Variants in TMC5 observed in about 807,000 individuals in gnomAD.
TMC5 encodes the protein transmembrane channel-like protein 5.
Under a neutral mutation model 110.5 loss-of-function variants are expected in TMC5, and 86 were observed. That is an observed-to-expected ratio of 0.78 (90% CI 0.65 to 0.93). The LOEUF (loss-of-function observed/expected upper bound fraction) is 0.93, where lower values mean the gene tolerates loss of function less well. Ranked by LOEUF, TMC5 falls within the 40% of genes least tolerant of loss-of-function variation. The pLI, the probability that TMC5 is intolerant of heterozygous loss-of-function variation, is 0.00. For missense variants in TMC5, 1,144 were observed against 1,222.8 expected (o/e 0.94, Z 0.96); for synonymous variants, 455 against 439.5 (o/e 1.04, Z -0.44).
chr16:19,463,167 T>G lies in TMC5; in HGVS notation c.1149-113T>G, dbSNP rs1285701101. Reference sequence around the variant, plus strand: ...GAACTCCTGGCCTCAGTGATCCTCTTGCCTCAGCTTCCGAAGTGTTGGGAT... The same window carrying G: ...GAACTCCTGGCCTCAGTGATCCTCTGGCCTCAGCTTCCGAAGTGTTGGGAT... On this transcript the variant is annotated intron_variant, in intron 6 of 21. Transcript: ENST00000542583. 3.9e-6 allele frequency: 3 copies of G among 777,420 alleles called. No individual in the cohort carries two copies. In the African/African-American group the frequency reaches 5.1e-5, roughly 13 times the overall value. 48.2% of individuals were successfully genotyped at this position (777,420 alleles called of 1,614,324 possible).
intron 1 of TMC5, among the ~76,000 whole-genome samples, chr16:19,421,453 C>T (rs2301209): frequency 0.13 from 20,379 of 152,074 alleles, 1,688 homozygotes; most frequent in East Asian, 0.21. Flanking sequence ...TCTTGCCTGC[C>T]GCCATGTAAG....
At chr16:19,459,867 G>A (rs1386392175) in intron 5 of TMC5, among the ~76,000 whole-genome samples, 1 of 137,642 alleles carries the variant, frequency 7.3e-6, no homozygotes, top group Non-Finnish European at 1.5e-5. Flanking sequence ...GCAGTGGGCT[G>A]TGATTGTGCC....
chr16:19,457,119 G>T lies in TMC5; in HGVS notation c.1049-3116G>T, dbSNP rs183263154. 3.5e-3 allele frequency: 3,384 copies of T among 976,182 alleles called. 24 individuals carry two copies. The highest frequency in any genetic ancestry group is 3.6e-3 in the Admixed American group (138 of 38,758). The allele number at this position is 976,182 out of a possible 1,614,324, so 60.5% of individuals were successfully genotyped here. ...TAGATATCAAGTGGGGCCAGGCGTGGTGGCTCACACCTATAATCCTACGGC... is the reference window on the plus strand; with the variant it reads ...TAGATATCAAGTGGGGCCAGGCGTGTTGGCTCACACCTATAATCCTACGGC... On this transcript the variant is annotated intron_variant, in intron 5 of 21. Transcript: ENST00000542583.
chr16:19,435,602 C>CAA (rs1247121259), intron 2 of TMC5, among the ~76,000 whole-genome samples: 1 of 147,202 alleles, frequency 6.8e-6, no homozygotes, highest in Non-Finnish European at 1.5e-5. Flanking sequence ...CACACACACA[C>CAA]ACATGCCTCC....
chr16:19,480,480 T>A (rs1968590489), intron 14 of TMC5, among the ~76,000 whole-genome samples: 1 of 152,156 alleles, frequency 6.6e-6, no homozygotes, highest in South Asian at 2.1e-4. Context: ...GTGCTTTTAT[T>A]CTAGCCTCTG....
intron 14 of TMC5, among the ~76,000 whole-genome samples, chr16:19,479,809 T>C (rs1437603077): frequency 6.6e-6 from 1 of 151,962 alleles, no homozygotes; most frequent in African/African-American, 2.4e-5. Flanking sequence ...TGAAATCTTA[T>C]CCAGCCGAGG....
chr16:19,429,560 C>A (rs1445672956), intron 1 of TMC5, among the ~76,000 whole-genome samples: 2 of 152,072 alleles, frequency 1.3e-5, no homozygotes. Context: ...TGTGAGCGTC[C>A]CATGACCTGG....
chr16:19,496,384 G>A (rs1252178976), intron 20 of TMC5, among the ~76,000 whole-genome samples: 5 of 152,006 alleles, frequency 3.3e-5, no homozygotes, highest in East Asian at 1.9e-4. Flanking sequence ...CCACCTTAAC[G>A]CAAATACCAC....
At chr16:19,412,230 C>T (rs1966857367) in intron 1 of TMC5, among the ~76,000 whole-genome samples, 1 of 151,940 alleles carries the variant, frequency 6.6e-6, no homozygotes, top group South Asian at 2.1e-4. Context: ...ACCACCATGC[C>T]TGGCTAATTT....
chr16:19,441,668 A>G (rs1306924016), intron 3 of TMC5, among the ~76,000 whole-genome samples: 2 of 152,156 alleles, frequency 1.3e-5, no homozygotes, highest in Non-Finnish European at 2.9e-5. Flanking sequence ...ACTTTTCACC[A>G]AAACTTTACT....
chr16:19,463,398 G>A, intron 7 of TMC5, 31 bp downstream of exon 7: 1 of 1,513,508 alleles, frequency 6.6e-7, no homozygotes. Context: ...CAGCAAGAGG[G>A]TGAAAACAGG....
intron 4 of TMC5, 88 bp downstream of exon 4, chr16:19,444,338 T>G: frequency 1.7e-6 from 2 of 1,200,614 alleles, no homozygotes; most frequent in Non-Finnish European, 2.4e-6. Flanking sequence ...GACTTGGCAA[T>G]AGGAGAATTG....
chr16:19,452,515 G>A (rs1213984667), intron 5 of TMC5, among the ~76,000 whole-genome samples: 1 of 151,994 alleles, frequency 6.6e-6, no homozygotes, highest in Non-Finnish European at 1.5e-5. Context: ...TCAGGAGTTC[G>A]ATACCAGCCT....
In TMC5 at chr16:19,469,842, T is replaced by C. The variant is rs1474204225; in HGVS notation, c.1782+17T>C. ...GAGATAAGGGTAAGGCGAGCTCACT[T>C]TACTCATTTGCCATCGGCTGGTCTC... On this transcript the variant is annotated intron_variant, in intron 10 of 21. Transcript: ENST00000542583. The C allele has an allele frequency of 3.7e-6, 6 of 1,613,512 alleles. No homozygotes were observed. In the East Asian group the frequency reaches 1.1e-4, roughly 30 times the overall value.
At chr16:19,439,454 T>A (rs1330247103) in intron 2 of TMC5, among the ~76,000 whole-genome samples, 3 of 152,312 alleles carry the variant, frequency 2.0e-5, no homozygotes, top group Admixed American at 6.5e-5. Context: ...ACCAAGGGAA[T>A]ATATTGTTCA....
At chr16:19,475,785 G>A (rs1050979008) in intron 12 of TMC5, among the ~76,000 whole-genome samples, 30 of 148,306 alleles carry the variant, frequency 2.0e-4, no homozygotes, top group African/African-American at 7.2e-4. Context: ...TTTCTCCTCT[G>A]CAGTATAATT....
chr16:19,488,362 C>A (rs935797256), intron 17 of TMC5, among the ~76,000 whole-genome samples: 2 of 152,196 alleles, frequency 1.3e-5, no homozygotes, highest in Admixed American at 6.5e-5. Flanking sequence ...GTAGCTTTCT[C>A]ACTTCTGCCA....
At chr16:19,470,721 TAAAAAAAAAAAA>T (rs60087070) in intron 10 of TMC5, among the ~76,000 whole-genome samples, 2 of 41,308 alleles carry the variant, frequency 4.8e-5, no homozygotes, top group African/African-American at 1.6e-4. Flanking sequence ...ACAAACTTAT[TAAAAAAAAAAAA>T]AAAAAAAAAA....
chr16:19,465,046 TCTTTCTTTCTTTTCCTTCCTTCC>T (rs1358889680), intron 8 of TMC5, among the ~76,000 whole-genome samples: 16 of 105,300 alleles, frequency 1.5e-4, no homozygotes, highest in African/African-American at 7.7e-4. Context: ...TTTCTTTCTT[TCTTTCTTTCTTTTCCTTCCTTCC>T]TTCCTTCCTT....
Sources: gnomAD v4.1 joint callset for allele counts (sites outside exome capture counted in the v4.1 genomes callset) on GRCh38, gnomAD v4.1.1 for gene constraint, MANE v1.5 for transcripts, NCBI Gene and HGNC (gene_info 2026-07-23, HGNC 2026-07-21) for gene names.